The following JPT1 variants were observed in gnomAD, a reference collection of about 807,000 sequenced individuals.
JPT1 encodes androgen-regulated protein 2.
Under a neutral mutation model 17.0 loss-of-function variants are expected in JPT1, and 5 were observed. That is an observed-to-expected ratio of 0.29 (90% CI 0.15 to 0.62). JPT1 has a LOEUF of 0.62. Ranked by LOEUF, JPT1 falls within the 20% of genes least tolerant of loss-of-function variation. The probability of loss-of-function intolerance (pLI) is 0.85; values close to 1 mark genes in which losing one functional copy is unlikely to be tolerated. For missense variants in JPT1, 158 were observed against 188.1 expected (o/e 0.84, Z 0.94); for synonymous variants, 71 against 73.6 (o/e 0.96, Z 0.18).
chr17:75,154,317 C>G lies in JPT1; in HGVS notation c.56+25G>C, dbSNP rs765695400. 3 of 1,535,672 alleles carry G rather than the reference C, an allele frequency of 2.0e-6. No individual in the cohort carries two copies. In the South Asian group the frequency reaches 3.6e-5, roughly 18 times the overall value. ...CTCCCAGCCCCTCAGCCCCGCGCGG[C>G]TCGGGCGCGACCCGGTCGCCTCACC... On this transcript the variant is annotated intron_variant, in intron 1 of 4. Coordinates refer to ENST00000409753, the MANE Select transcript of JPT1 (RefSeq NM_016185.4).
intron 2 of JPT1, 41 bp downstream of exon 2, chr17:75,148,488 G>C (rs2074483306): frequency 1.9e-6 from 3 of 1,606,202 alleles, no homozygotes; most frequent in Non-Finnish European, 2.6e-6. Flanking sequence ...GTTGATGCTG[G>C]GCCCATCCCT....
intron 4 of JPT1, among the ~76,000 whole-genome samples, chr17:75,139,105 G>A (rs891242203): frequency 6.6e-6 from 1 of 152,106 alleles, no homozygotes; most frequent in African/African-American, 2.4e-5. Flanking sequence ...AAGTGTCCCT[G>A]AAATAACCTA....
At chr17:75,152,133 T>C (rs1452196456) in intron 1 of JPT1, among the ~76,000 whole-genome samples, 1 of 152,214 alleles carries the variant, frequency 6.6e-6, no homozygotes, top group Non-Finnish European at 1.5e-5. Flanking sequence ...CCATTTGTAA[T>C]AGTGAGATAT....
chr17:75,150,747 G>A (rs2074532872), intron 1 of JPT1, among the ~76,000 whole-genome samples: 1 of 151,966 alleles, frequency 6.6e-6, no homozygotes, highest in Admixed American at 6.6e-5. Flanking sequence ...GCAGAATATG[G>A]AAAGACTTTC....
chr17:75,144,487 G>A (rs1340863295), intron 4 of JPT1, among the ~76,000 whole-genome samples: 1 of 151,964 alleles, frequency 6.6e-6, no homozygotes, highest in African/African-American at 2.4e-5. Flanking sequence ...ACTCCAGTCT[G>A]GACAACAGAG....
At chr17:75,136,944 C>T (rs1022764785) in intron 4 of JPT1, among the ~76,000 whole-genome samples, 1 of 152,152 alleles carries the variant, frequency 6.6e-6, no homozygotes, top group Non-Finnish European at 1.5e-5. Context: ...TTACATGTAG[C>T]CAGATAACAT....
At chr17:75,152,562 GA>G (rs2074571107) in intron 1 of JPT1, among the ~76,000 whole-genome samples, 1 of 152,170 alleles carries the variant, frequency 6.6e-6, no homozygotes, top group African/African-American at 2.4e-5. Flanking sequence ...CATTTCACAG[GA>G]TCAGAACTCA....
At chr17:75,151,089 T>C (rs879880309) in intron 1 of JPT1, among the ~76,000 whole-genome samples, 1 of 151,134 alleles carries the variant, frequency 6.6e-6, no homozygotes, top group East Asian at 2.0e-4. Context: ...CCTGACCTCA[T>C]GATCTGCCCG....
At chr17:75,148,412 ATT>A in intron 2 of JPT1, 115 bp downstream of exon 2, 1 of 1,252,798 alleles carries the variant, frequency 8.0e-7, no homozygotes, top group Non-Finnish European at 1.1e-6. Flanking sequence ...CCACCAGCTA[ATT>A]TTTGTTTTGT....
At position 75,136,002 on chromosome 17, in the gene JPT1, T is replaced by C. The variant is rs1024654251; in HGVS notation, c.*100A>G. On this transcript the variant is annotated 3_prime_UTR_variant, in exon 5 of 5. Coordinates refer to ENST00000409753, the MANE Select transcript of JPT1 (RefSeq NM_016185.4). ...ACAGCAGTACATAAAGTGCTTCTTT[T>C]TAATGAAACAAATCCAAGAGATGTA... 1 of 1,607,578 alleles carries C rather than the reference T, an allele frequency of 6.2e-7. No homozygotes were observed. Among genetic ancestry groups the C allele is most frequent in the East Asian group, 2.2e-5 (1 of 44,800 alleles).
At chr17:75,152,873 C>A (rs1402957992) in intron 1 of JPT1, 1 of 152,152 alleles carries the variant, frequency 6.6e-6, no homozygotes, top group Non-Finnish European at 1.5e-5. Context: ...CCCATCCTCC[C>A]AGTAATCACC....
chr17:75,141,786 G>C (rs1320994821), intron 4 of JPT1, among the ~76,000 whole-genome samples: 1 of 151,894 alleles, frequency 6.6e-6, no homozygotes, highest in Non-Finnish European at 1.5e-5. Context: ...AAAATTAGTT[G>C]AGCGAGGCTG....
chr17:75,136,163 G>T lies in JPT1; in HGVS notation c.404C>A (p.Pro135Gln), dbSNP rs199855326. ...PAAPVPSPVAPAPVPSRRNPP... is the reference protein window; with the variant it reads ...PAAPVPSPVAQAPVPSRRNPP... ...ATTTCTTCTGGATGGCACTGGGGCC[G>T]GGGCCACCGGGCTGGGCACAGGCGC... The change falls in exon 5 of 5, where the codon CCG (proline) becomes CAG (glutamine). Residue 135 changes from proline to glutamine, a missense_variant. Pro to Gln is a moderately conservative substitution (Grantham distance 76). Transcript: ENST00000409753. 5.6e-6 allele frequency: 9 copies of T among 1,614,140 alleles called. No individual in the cohort carries two copies. Among genetic ancestry groups the T allele is most frequent in the Non-Finnish European group, 7.6e-6 (9 of 1,180,016 alleles).
chr17:75,151,367 T>TAAA (rs2074549970), intron 1 of JPT1, among the ~76,000 whole-genome samples: 1 of 151,094 alleles, frequency 6.6e-6, no homozygotes, highest in Non-Finnish European at 1.5e-5. Flanking sequence ...ATAATAATAA[T>TAAA]AAAATTAAGG....
At chr17:75,141,183 T>C (rs929040659) in intron 4 of JPT1, 1 of 152,206 alleles carries the variant, frequency 6.6e-6, no homozygotes, top group African/African-American at 2.4e-5. Context: ...GGTGAGAGGA[T>C]GGCTTGAACC....
intron 4 of JPT1, among the ~76,000 whole-genome samples, chr17:75,139,689 G>A (rs1316125568): frequency 1.3e-5 from 2 of 151,918 alleles, no homozygotes; most frequent in African/African-American, 2.4e-5. Context: ...GCGTGTGTGC[G>A]CGCCTGTATT....
Position 75,135,914 on chromosome 17 carries a change from G to T in JPT1, c.*188C>A. On this transcript the variant is annotated 3_prime_UTR_variant, in exon 5 of 5. Transcript: ENST00000409753. ...TACTACTAGAAAACACTCATGCCAT[G>T]GCCCACAGACCCAAGAGTCAAGGAC... 1.6e-6 allele frequency: 2 copies of T among 1,251,646 alleles called. No individual in the cohort carries two copies. Among genetic ancestry groups the T allele is most frequent in the Non-Finnish European group, 1.1e-6 (1 of 899,036 alleles). 77.5% of individuals were successfully genotyped at this position (1,251,646 alleles called of 1,614,324 possible). A position where few individuals can be genotyped will look rare whatever the true frequency, so the allele number is the denominator to read the frequency against.
chr17:75,138,750 C>T (rs1438702369), intron 4 of JPT1, among the ~76,000 whole-genome samples: 1 of 152,194 alleles, frequency 6.6e-6, no homozygotes, highest in Non-Finnish European at 1.5e-5. Flanking sequence ...ATGTACTTAT[C>T]TCATGATAGG....
chr17:75,136,384 C>A, intron 4 of JPT1, 134 bp from the exon 5 acceptor site: 2 of 752,050 alleles, frequency 2.7e-6, no homozygotes, highest in African/African-American at 1.8e-5. Flanking sequence ...ACAAAATAAT[C>A]ACCCACCATG....
Sources: allele counts gnomAD v4.1 joint callset (sites outside exome capture counted in the v4.1 genomes callset), GRCh38; gene constraint gnomAD v4.1.1; transcripts MANE v1.5; gene names NCBI Gene and HGNC (gene_info 2026-07-23, HGNC 2026-07-21).